The following PARVB variants were observed in gnomAD, a reference collection of about 807,000 sequenced individuals.
The protein encoded by PARVB is parvin beta, also known as beta-parvin.
In PARVB, 46 loss-of-function variants were observed where a neutral mutation model predicts 47.0. That is an observed-to-expected ratio of 0.98 (90% CI 0.77 to 1.25). The LOEUF (loss-of-function observed/expected upper bound fraction) is 1.25, where lower values mean the gene tolerates loss of function less well. PARVB is among the 50% of genes most tolerant of loss of function. The pLI, the probability that PARVB is intolerant of heterozygous loss-of-function variation, is 0.00. For synonymous variants in PARVB, 196 were observed against 196.3 expected, an observed-to-expected ratio of 1.00 and a Z score of 0.01; for missense variants, 473 against 471.6, an observed-to-expected ratio of 1.00 and a Z score of -0.03.
At chr22:44,030,683 C>T (rs919174818) in intron 1 of PARVB, among the ~76,000 whole-genome samples, 4 of 152,118 alleles carry the variant, frequency 2.6e-5, no homozygotes, top group Admixed American at 6.5e-5. Context: ...GTGATTTCCA[C>T]GCTGTTTTCT....
At position 44,132,788 on chromosome 22, in the gene PARVB, C is replaced by T. The variant is rs111507354; in HGVS notation, c.518-106C>T. The T allele has an allele frequency of 9.4e-4, 651 of 693,570 alleles. 6 individuals carry two copies. In the African/African-American group the frequency reaches 0.01, roughly 11 times the overall value. The allele number at this position is 693,570 out of a possible 1,614,324, so 43.0% of individuals were successfully genotyped here. A position where few individuals can be genotyped will look rare whatever the true frequency, so the allele number is the denominator to read the frequency against. On this transcript the variant is annotated intron_variant, in intron 5 of 12. Transcript: ENST00000338758. ...TCCACACTTCGCTCCATCCTTGTCTCGCTGGGGTCTCATTTAGATGCTGTG... is the reference window on the plus strand; with the variant it reads ...TCCACACTTCGCTCCATCCTTGTCTTGCTGGGGTCTCATTTAGATGCTGTG...
At chr22:44,122,564 G>C (rs55901861) in intron 4 of PARVB, among the ~76,000 whole-genome samples, 177 of 41,064 alleles carry the variant, frequency 4.3e-3, no homozygotes, top group South Asian at 9.3e-3. Context: ...CACAGAGACA[G>C]AGAGAGAGAG....
intron 1 of PARVB, among the ~76,000 whole-genome samples, chr22:44,034,997 A>T (rs1314433135): frequency 2.6e-5 from 4 of 152,036 alleles, no homozygotes; most frequent in Non-Finnish European, 5.9e-5. Context: ...AGGCATGAAC[A>T]ACTGCACCCG....
At chr22:44,020,824 A>T (rs2050639078), upstream of PARVB, among the ~76,000 whole-genome samples, 2 of 151,254 alleles carry the variant, frequency 1.3e-5, no homozygotes, top group South Asian at 4.2e-4. Context: ...TCTGTCGACC[A>T]GGCTGGAGTG....
upstream of PARVB, among the ~76,000 whole-genome samples, chr22:44,019,507 A>ACCGTG (rs1228026305): frequency 6.6e-6 from 1 of 152,256 alleles, no homozygotes; most frequent in African/African-American, 2.4e-5. Flanking sequence ...GGCATGAGCC[A>ACCGTG]CCGTGCCCGG....
chr22:44,141,781 C>T (rs776962644), intron 8 of PARVB: 4 of 152,356 alleles, frequency 2.6e-5, no homozygotes, highest in African/African-American at 9.6e-5. Flanking sequence ...GGAACATTCA[C>T]AGGCCTTCTC....
At chr22:43,999,323 A>G in exon 1 of PARVB, 2 of 1,573,848 alleles carry the variant, frequency 1.3e-6, no homozygotes, top group Admixed American at 1.9e-5. Flanking sequence ...TACCTTTGGG[A>G]CAGTTAGATG....
chr22:44,115,343 G>C (rs76206746), intron 3 of PARVB: 12 of 44,754 alleles, frequency 2.7e-4, no homozygotes, highest in Non-Finnish European at 3.8e-4. Context: ...TTGTTACTAA[G>C]TAAGGCCCTG....
At chr22:44,128,826 C>T (rs2053247522) in intron 4 of PARVB, among the ~76,000 whole-genome samples, 1 of 152,126 alleles carries the variant, frequency 6.6e-6, no homozygotes. Context: ...ACCTGTAATC[C>T]CAGCACTTCC....
At position 44,092,143 on chromosome 22, in the gene PARVB, G is replaced by T. The variant is rs561541625; in HGVS notation, c.113-1785G>T. Among the ~76,000 whole-genome samples, 132 of 152,116 alleles carry T rather than the reference G, an allele frequency of 8.7e-4. 1 individual carries two copies. The highest frequency in any genetic ancestry group is 3.0e-3 in the African/African-American group (123 of 41,498). ...ACTCTTTTTTTTGAGATGGAGTCTC[G>T]CTCTGTCACCAGGCTGGAGTGCACT... is the stretch of plus-strand genomic sequence containing the variant. On this transcript the variant is annotated intron_variant, in intron 1 of 12. Transcript: ENST00000338758.
In PARVB at chr22:44,024,309, C is replaced by T. The variant is rs2050691676; in HGVS notation, c.-31C>T. 2.0e-6 allele frequency: 2 copies of T among 1,004,016 alleles called. No homozygotes were observed. Among genetic ancestry groups the T allele is most frequent in the East Asian group, 9.6e-5 (1 of 10,412 alleles). 62.2% of individuals were successfully genotyped at this position (1,004,016 alleles called of 1,614,324 possible). On this transcript the variant is annotated 5_prime_UTR_variant, in exon 1 of 13. Transcript: ENST00000338758. ...GGGCGACCGGGCGGCTCCACACGCG[C>T]TGCGCCCGCCGCCGGCCCCACGCGC...
intron 1 of PARVB, among the ~76,000 whole-genome samples, chr22:44,040,895 C>G (rs963880721): frequency 1.3e-5 from 2 of 151,786 alleles, no homozygotes; most frequent in African/African-American, 4.8e-5. Flanking sequence ...CCCAGCTACT[C>G]GAGAGGCTGA....
chr22:44,163,052 C>T (rs1208670230), intron 11 of PARVB, among the ~76,000 whole-genome samples: 2 of 152,208 alleles, frequency 1.3e-5, no homozygotes, highest in Non-Finnish European at 2.9e-5. Flanking sequence ...CTGAGGGCAC[C>T]CCATCCTGCA....
chr22:44,008,408 T>A (rs1237197819), intron 2 of PARVB, among the ~76,000 whole-genome samples: 1 of 152,034 alleles, frequency 6.6e-6, no homozygotes, highest in African/African-American at 2.4e-5. Context: ...CCACGCGCGG[T>A]CTAGAGACAG....
At position 44,068,570 on chromosome 22, in the gene PARVB, G is replaced by A. The variant is rs914909557; in HGVS notation, c.113-25358G>A. ...TGTCCGATATTTGATTTCTGTTGTC[G>A]TGGAAACGGGGTGGCAAGTGTTCCA... On this transcript the variant is annotated intron_variant, in intron 1 of 12. Coordinates refer to ENST00000338758, the MANE Select transcript of PARVB (RefSeq NM_013327.5). The surrounding 1 kb of genome is among the most constrained non-coding windows in gnomAD (Gnocchi z 4.1). Among the ~76,000 whole-genome samples the A allele has an allele frequency of 3.9e-5, 6 of 152,196 alleles. No homozygotes were observed. Among genetic ancestry groups the A allele is most frequent in the Non-Finnish European group, 7.3e-5 (5 of 68,038 alleles).
At chr22:44,047,262 A>G (rs2051130753) in intron 1 of PARVB, among the ~76,000 whole-genome samples, 1 of 152,192 alleles carries the variant, frequency 6.6e-6, no homozygotes, top group South Asian at 2.1e-4. Flanking sequence ...GAAGGTGAAG[A>G]GGGAGCAAGA....
chr22:44,034,454 C>T (rs1023361869), intron 1 of PARVB, among the ~76,000 whole-genome samples: 7 of 151,678 alleles, frequency 4.6e-5, no homozygotes, highest in African/African-American at 7.3e-5. Flanking sequence ...TGTTCACAGG[C>T]CAGATCATCA....
At chr22:44,087,153 G>C (rs62226428) in intron 1 of PARVB, 2,518 of 152,356 alleles carry the variant, frequency 0.017, 39 homozygotes, top group Middle Eastern at 0.06. Flanking sequence ...TCTTTTAGAT[G>C]TGCAGGGATG....
intron 2 of PARVB, among the ~76,000 whole-genome samples, chr22:44,095,936 T>C (rs565677255): frequency 6.6e-6 from 1 of 152,132 alleles, no homozygotes; most frequent in Admixed American, 6.5e-5. Context: ...TAGAAGAGAG[T>C]GGCCCCACCA....
Sources: gnomAD v4.1 joint callset for allele counts (sites outside exome capture counted in the v4.1 genomes callset) on GRCh38, gnomAD v4.1.1 for gene constraint, Gnocchi (gnomAD v3.1) non-coding constraint, MANE v1.5 for transcripts, NCBI Gene and HGNC (gene_info 2026-07-23, HGNC 2026-07-21) for gene names.